NCKAP1L: variants seen among roughly 807,000 people sequenced by gnomAD.
NCKAP1L encodes nck-associated protein 1-like.
A neutral mutation model predicts 139.2 loss-of-function variants in NCKAP1L; 53 were observed. The ratio of observed to expected loss-of-function variants is 0.38; its 90% CI spans 0.31 to 0.48. The LOEUF (loss-of-function observed/expected upper bound fraction) is 0.48, where lower values mean the gene tolerates loss of function less well. Ranked by LOEUF, NCKAP1L falls within the 20% of genes least tolerant of loss-of-function variation. The probability of loss-of-function intolerance (pLI) is 0.98; values close to 1 mark genes in which losing one functional copy is unlikely to be tolerated. For synonymous variants in NCKAP1L, 468 were observed against 499.7 expected (o/e 0.94, Z 0.85); for missense variants, 1,151 against 1,381.9 (o/e 0.83, Z 2.65).
intron 2 of NCKAP1L, 100 bp downstream of exon 2, chr12:54,499,565 G>A: frequency 1.5e-6 from 1 of 689,036 alleles, no homozygotes; most frequent in Non-Finnish European, 2.6e-6. Context: ...GGCAGGGGAT[G>A]GAGTAGTCTT....
At chr12:54,540,114 T>C (rs1486981096) in intron 30 of NCKAP1L, among the ~76,000 whole-genome samples, 1 of 152,192 alleles carries the variant, frequency 6.6e-6, no homozygotes, top group Non-Finnish European at 1.5e-5. Context: ...ACTACAAATG[T>C]ACATTGTGAA....
intron 22 of NCKAP1L, among the ~76,000 whole-genome samples, chr12:54,529,830 T>C (rs1957053698): frequency 6.6e-6 from 1 of 152,102 alleles, no homozygotes; most frequent in Admixed American, 6.5e-5. Flanking sequence ...AAGAGAAGGA[T>C]GCCCTAGGGT....
chr12:54,531,218 GC>G, intron 22 of NCKAP1L, 41 bp from the exon 23 acceptor site: 1 of 1,419,430 alleles, frequency 7.0e-7, no homozygotes, highest in Non-Finnish European at 1.0e-6. Context: ...ATACTCCAGT[GC>G]CTTCTGAGTC....
At chr12:54,502,902 G>T (rs1220154857) in intron 3 of NCKAP1L, among the ~76,000 whole-genome samples, 6 of 150,684 alleles carry the variant, frequency 4.0e-5, no homozygotes, top group Non-Finnish European at 5.9e-5. Flanking sequence ...GGAGGCTGAG[G>T]CAGGAGGATC....
chr12:54,535,235 G>A (rs1957105550), intron 27 of NCKAP1L, 38 bp downstream of exon 27: 15 of 1,509,902 alleles, frequency 9.9e-6, no homozygotes, highest in Non-Finnish European at 1.4e-5. Context: ...TGGGAAAGGA[G>A]GGCTTGGGCC....
chr12:54,516,752 T>A, intron 10 of NCKAP1L, 144 bp from the exon 11 acceptor site: 1 of 672,744 alleles, frequency 1.5e-6, no homozygotes, highest in Non-Finnish European at 2.5e-6. Context: ...GGCCCTTTTT[T>A]CTTTTTTAAA....
At chr12:54,514,901 G>A (rs1464150893) in intron 9 of NCKAP1L, among the ~76,000 whole-genome samples, 2 of 152,176 alleles carry the variant, frequency 1.3e-5, no homozygotes, top group Non-Finnish European at 2.9e-5. Flanking sequence ...GATGATTACT[G>A]CTTCTAAGGA....
At chr12:54,507,381 G>T (rs889600593) in intron 3 of NCKAP1L, among the ~76,000 whole-genome samples, 1 of 152,288 alleles carries the variant, frequency 6.6e-6, no homozygotes. Flanking sequence ...CTCACACATA[G>T]TGAATTGTCA....
chr12:54,500,348 C>A (rs1339457252), intron 2 of NCKAP1L, among the ~76,000 whole-genome samples, 185 bp from the exon 3 acceptor site: 2 of 151,920 alleles, frequency 1.3e-5, no homozygotes, highest in African/African-American at 4.8e-5. Context: ...GGTCTTGAAC[C>A]CCTGACCTCA....
chr12:54,522,332 A>G (rs1370151782), intron 18 of NCKAP1L, among the ~76,000 whole-genome samples: 2 of 152,264 alleles, frequency 1.3e-5, no homozygotes, highest in Non-Finnish European at 2.9e-5. Flanking sequence ...GTCAATATGA[A>G]TAACTACTAC....
rs1433245971 is a variant in NCKAP1L, at chr12:54,548,142, CCTCCA to C, written c.*5461_*5465del. On this transcript the variant is annotated 3_prime_UTR_variant, in exon 31 of 31. Coordinates refer to ENST00000293373, the MANE Select transcript of NCKAP1L (RefSeq NM_005337.5). The stretch of plus-strand genomic sequence containing the variant: ...CCTTCTCTGACTGGGAGAGGAGGAG[CCTCCA>C]CTCAGTATTTAGAACAGAGTAAATA... 2.6e-5 allele frequency: 4 copies of C among 152,230 alleles called. No individual in the cohort carries two copies. In the East Asian group the frequency reaches 7.7e-4, roughly 29 times the overall value. The allele number at this position is 152,230 out of a possible 1,614,324, so 9.4% of individuals were successfully genotyped here. A position where few individuals can be genotyped will look rare whatever the true frequency, so the allele number is the denominator to read the frequency against.
chr12:54,527,610 C>G (rs1309593601), intron 21 of NCKAP1L, among the ~76,000 whole-genome samples: 1 of 152,162 alleles, frequency 6.6e-6, no homozygotes, highest in Non-Finnish European at 1.5e-5. Context: ...CCCCTCTTCC[C>G]CTGTCAGCCG....
chr12:54,520,566 G>T, intron 16 of NCKAP1L, 128 bp from the exon 17 acceptor site: 1 of 918,108 alleles, frequency 1.1e-6, no homozygotes, highest in Non-Finnish European at 1.7e-6. Context: ...TTTTTTGAAA[G>T]AATGAATATC....
At chr12:54,539,623 T>G (rs559085158) in intron 30 of NCKAP1L, among the ~76,000 whole-genome samples, 1 of 152,330 alleles carries the variant, frequency 6.6e-6, no homozygotes, top group Admixed American at 6.5e-5. Context: ...TTACTCACTC[T>G]TTTGCTCTGA....
chr12:54,516,216 A>G (rs754271623), intron 9 of NCKAP1L, 23 bp from the exon 10 acceptor site: 13 of 1,613,690 alleles, frequency 8.1e-6, no homozygotes, highest in Middle Eastern at 3.3e-4. Flanking sequence ...GGTCAACCCC[A>G]TTGTGCTTGT....
chr12:54,517,811 T>C lies in NCKAP1L; in HGVS notation c.1211T>C (p.Ile404Thr), dbSNP rs748982771. 5.6e-6 allele frequency: 9 copies of C among 1,614,068 alleles called. No homozygotes were observed. Among genetic ancestry groups the C allele is most frequent in the African/African-American group, 4.0e-5 (3 of 74,924 alleles). Reference protein sequence around the residue: ...KTPEDYADSSIAELLFLLEGI... With the variant: ...KTPEDYADSSTAELLFLLEGI... ...TCTCATCCTAAACTTTATAGGAGCATTGCAGAGCTACTTTTCTTGTTGGAG... is the reference window on the plus strand; with the variant it reads ...TCTCATCCTAAACTTTATAGGAGCACTGCAGAGCTACTTTTCTTGTTGGAG... Residue 404 changes from isoleucine (I) to threonine (T), a missense_variant, in exon 13 of 31, where the codon ATT becomes ACT. Transcript: ENST00000293373.
Position 54,538,814 on chromosome 12 carries a change from C to G in NCKAP1L, c.3184-70C>G, listed in dbSNP as rs190839996. The stretch of plus-strand genomic sequence containing the variant: ...AACTCTCTCCTTGATCTTTTCTTAA[C>G]TTCCTGCAGCCTGAGGCCATTTGAT... On this transcript the variant is annotated intron_variant, in intron 29 of 30. Transcript: ENST00000293373. The G allele has an allele frequency of 1.9e-3, 2,240 of 1,178,978 alleles. 1 individual carries two copies. The highest frequency in any genetic ancestry group is 2.6e-3 in the Non-Finnish European group (2,066 of 792,374). The allele number at this position is 1,178,978 out of a possible 1,614,324, so 73.0% of individuals were successfully genotyped here.
chr12:54,520,035 C>T (rs746939419), intron 16 of NCKAP1L, among the ~76,000 whole-genome samples: 1 of 152,146 alleles, frequency 6.6e-6, no homozygotes, highest in Non-Finnish European at 1.5e-5. Context: ...TAGCACTTGA[C>T]GTTTTTAGGT....
intron 3 of NCKAP1L, among the ~76,000 whole-genome samples, chr12:54,504,636 T>C (rs1349428680): frequency 6.6e-6 from 1 of 152,220 alleles, no homozygotes; most frequent in Non-Finnish European, 1.5e-5. Context: ...TATGATGCAC[T>C]GTTAAGTAGG....
Sources: allele counts gnomAD v4.1 joint callset (sites outside exome capture counted in the v4.1 genomes callset), GRCh38; gene constraint gnomAD v4.1.1; transcripts MANE v1.5; gene names NCBI Gene and HGNC (gene_info 2026-07-23, HGNC 2026-07-21).